The following GON4L variants were observed in gnomAD, a reference collection of about 807,000 sequenced individuals.
GON4L encodes the protein gon-4 like.
GON4L carries 87 observed loss-of-function variants against 211.8 expected under a neutral mutation model. That is an observed-to-expected ratio of 0.41 (90% CI 0.35 to 0.49). The LOEUF (loss-of-function observed/expected upper bound fraction) is 0.49. GON4L is among the 20% of genes least tolerant of loss of function. The probability of loss-of-function intolerance (pLI) is 0.15; values close to 1 mark genes in which losing one functional copy is unlikely to be tolerated. For missense variants in GON4L, 2,155 were observed against 2,659.5 expected (o/e 0.81, Z 4.17); for synonymous variants, 875 against 962.6 (o/e 0.91, Z 1.68).
At position 155,749,946 on chromosome 1, in the gene GON4L, G is replaced by C; in HGVS notation, c.*638C>G. The C allele has an allele frequency of 2.8e-6, 4 of 1,408,816 alleles. No individual in the cohort carries two copies. Among genetic ancestry groups the C allele is most frequent in the Non-Finnish European group, 3.8e-6 (4 of 1,053,020 alleles). The allele number at this position is 1,408,816 out of a possible 1,614,324, so 87.3% of individuals were successfully genotyped here. ...AGCAGTGGAGAGCATCCCAGTGTTT[G>C]GGGCACTGTGTTCCTCTTCGTCCCT... On this transcript the variant is annotated 3_prime_UTR_variant, in exon 32 of 32. Transcript: ENST00000368331.
upstream of GON4L, among the ~76,000 whole-genome samples, chr1:155,857,717 ACT>A (rs1430703808): frequency 1.2e-4 from 13 of 110,824 alleles, no homozygotes; most frequent in Non-Finnish European, 4.0e-5. Context: ...CGACAGTGAG[ACT>A]CTGTATCAAA....
chr1:155,800,926 C>T (rs1382201216), intron 11 of GON4L, among the ~76,000 whole-genome samples: 1 of 145,940 alleles, frequency 6.9e-6, no homozygotes, highest in Non-Finnish European at 1.5e-5. Context: ...GAATATTAAA[C>T]TGGGTTCTAC....
At position 155,766,482 on chromosome 1, in the gene GON4L, A is replaced by G; in HGVS notation, c.2991T>C (p.Arg997=). 2 of 1,614,004 alleles carry G rather than the reference A, an allele frequency of 1.2e-6. No individual in the cohort carries two copies. The highest frequency in any genetic ancestry group is 1.7e-6 in the Non-Finnish European group (2 of 1,180,008). Reference sequence around the variant, plus strand: ...TAAGGAGGGGCTTCAGGACTGATGAACGCTTCTGTCTCCAAGCCTTCCTGG... The same window carrying G: ...TAAGGAGGGGCTTCAGGACTGATGAGCGCTTCTGTCTCCAAGCCTTCCTGG... The part of the protein sequence containing the change: ...RFPRKAWRQK[R]SSVLKPLLIQ... The change falls in exon 21 of 32, where the codon CGT becomes CGC. Residue 997 remains arginine (R), a synonymous_variant. Transcript: ENST00000368331.
At position 155,754,546 on chromosome 1, in the gene GON4L, T is replaced by TTTC. The variant is rs1571615490; in HGVS notation, c.5518-59_5518-58insGAA. ...GTTGTTTTTTTTTTTTTTTTTTTTT[T>TTTC]TGAGACAGAGTCTCGCTCTGTGGCC... On this transcript the variant is annotated intron_variant, in intron 27 of 31. Transcript: ENST00000368331. 3.9e-6 allele frequency: 4 copies of TTTC among 1,030,394 alleles called. No individual in the cohort carries two copies. The East Asian group carries it at 9.7e-5, about 25-fold the overall frequency. The allele number at this position is 1,030,394 out of a possible 1,614,324, so 63.8% of individuals were successfully genotyped here.
intron 11 of GON4L, among the ~76,000 whole-genome samples, chr1:155,802,318 G>GGA (rs1553208377): frequency 6.8e-6 from 1 of 146,018 alleles, no homozygotes; most frequent in African/African-American, 2.5e-5. Context: ...TCCTTGGGGG[G>GGA]GGGGAAGGCT....
chr1:155,774,863 G>A, intron 17 of GON4L, 139 bp downstream of exon 17: 1 of 884,868 alleles, frequency 1.1e-6, no homozygotes, highest in South Asian at 1.5e-5. Flanking sequence ...ACAAAGGGAG[G>A]ATAAAAGAGA....
chr1:155,774,804 T>C, intron 17 of GON4L, 198 bp downstream of exon 17: 2 of 877,358 alleles, frequency 2.3e-6, no homozygotes, highest in East Asian at 2.7e-5. Context: ...CTCCACACTT[T>C]ACCCAGGCCC....
chr1:155,812,022 G>A (rs567435786), intron 10 of GON4L, among the ~76,000 whole-genome samples: 102 of 152,136 alleles, frequency 6.7e-4, no homozygotes, highest in Non-Finnish European at 1.1e-3. Context: ...CTGCACTCCA[G>A]CCTGGGCAAG....
intron 2 of GON4L, among the ~76,000 whole-genome samples, chr1:155,833,978 C>T (rs1165387267): frequency 6.6e-6 from 1 of 152,000 alleles, no homozygotes; most frequent in African/African-American, 2.4e-5. Context: ...GGATGCACTA[C>T]CACACTTGGC....
Position 155,822,532 on chromosome 1 carries a change from A to G in GON4L, c.698-56T>C, listed in dbSNP as rs1668827240. 3.8e-6 allele frequency: 5 copies of G among 1,301,256 alleles called. No individual in the cohort carries two copies. The Admixed American group carries it at 6.7e-5, about 18-fold the overall frequency. The allele number at this position is 1,301,256 out of a possible 1,614,324, so 80.6% of individuals were successfully genotyped here. A position where few individuals can be genotyped will look rare whatever the true frequency, so the allele number is the denominator to read the frequency against. On this transcript the variant is annotated intron_variant, in intron 3 of 31. Transcript: ENST00000368331. ...TCCAAAATAGCTGCTCCAGGAACTT[A>G]GCCCAGAAAGCCAACAGTAAAGTGG... is the stretch of plus-strand genomic sequence containing the variant.
upstream of GON4L, among the ~76,000 whole-genome samples, chr1:155,857,813 C>A (rs1672411022): frequency 6.6e-6 from 1 of 152,078 alleles, no homozygotes; most frequent in Non-Finnish European, 1.5e-5. Flanking sequence ...TCATAAAATG[C>A]CAGAAAAAGA....
intron 2 of GON4L, chr1:155,845,700 T>C (rs61753916): frequency 1.2e-4 from 37 of 301,468 alleles, no homozygotes; most frequent in Admixed American, 2.1e-4. Flanking sequence ...TTCAATGAAA[T>C]CATGAAAAGA....
intron 2 of GON4L, among the ~76,000 whole-genome samples, chr1:155,843,048 C>A (rs1670925845): frequency 6.6e-6 from 1 of 152,104 alleles, no homozygotes; most frequent in African/African-American, 2.4e-5. Flanking sequence ...ATGACCTACA[C>A]CTGCAAACCT....
At chr1:155,783,381 T>C (rs1664613650) in intron 14 of GON4L, among the ~76,000 whole-genome samples, 1 of 152,188 alleles carries the variant, frequency 6.6e-6, no homozygotes, top group Non-Finnish European at 1.5e-5. Flanking sequence ...TCCTGACATC[T>C]AGCCATCCAT....
At chr1:155,831,758 G>A (rs986741692) in intron 2 of GON4L, 2 of 151,784 alleles carry the variant, frequency 1.3e-5, no homozygotes, top group Admixed American at 1.3e-4. Flanking sequence ...TTAGCTGGAT[G>A]ATGTGGCTCC....
At chr1:155,810,458 A>C (rs1165651705) in intron 10 of GON4L, among the ~76,000 whole-genome samples, 1 of 151,980 alleles carries the variant, frequency 6.6e-6, no homozygotes, top group Non-Finnish European at 1.5e-5. Flanking sequence ...CTGTAATCCT[A>C]GCACTTTGGG....
intron 10 of GON4L, among the ~76,000 whole-genome samples, chr1:155,806,399 C>T (rs906601039): frequency 2.0e-5 from 3 of 152,038 alleles, no homozygotes; most frequent in East Asian, 1.9e-4. Flanking sequence ...TGCTCAGCCT[C>T]CCAAAGTGTT....
intron 2 of GON4L, among the ~76,000 whole-genome samples, chr1:155,850,103 T>C (rs1671644326): frequency 6.6e-6 from 1 of 151,952 alleles, no homozygotes; most frequent in Non-Finnish European, 1.5e-5. Flanking sequence ...AGACTGAGGC[T>C]TAAGCACTTG....
intron 2 of GON4L, among the ~76,000 whole-genome samples, chr1:155,830,851 G>A (rs1224860950): frequency 6.6e-6 from 1 of 152,134 alleles, no homozygotes; most frequent in Non-Finnish European, 1.5e-5. Context: ...GCCTCCCAAT[G>A]TACAGGGATA....
Sources: gnomAD v4.1 joint callset for allele counts (sites outside exome capture counted in the v4.1 genomes callset) on GRCh38, gnomAD v4.1.1 for gene constraint, MANE v1.5 for transcripts, NCBI Gene and HGNC (gene_info 2026-07-23, HGNC 2026-07-21) for gene names.